SLC35F3: variants seen among roughly 807,000 people sequenced by gnomAD.
SLC35F3 encodes putative thiamine transporter SLC35F3.
A neutral mutation model predicts 49.9 loss-of-function variants in SLC35F3; 25 were observed. The ratio of observed to expected loss-of-function variants is 0.50; its 90% CI spans 0.37 to 0.70. SLC35F3 has a LOEUF of 0.70. Among genes scored for constraint, SLC35F3 ranks in the 30% least tolerant of loss-of-function variants. SLC35F3 has a pLI of 0.00. For synonymous variants in SLC35F3, 275 were observed against 265.4 expected, an observed-to-expected ratio of 1.04 and a Z score of -0.35; for missense variants, 525 against 639.8, an observed-to-expected ratio of 0.82 and a Z score of 1.94.
intron 2 of SLC35F3, among the ~76,000 whole-genome samples, chr1:234,012,737 G>A (rs954514882): frequency 2.6e-5 from 4 of 152,180 alleles, no homozygotes; most frequent in Admixed American, 2.0e-4. Flanking sequence ...ATTGTTCAAG[G>A]TACAGGTCAA....
At chr1:234,268,813 T>A (rs1446210379) in intron 3 of SLC35F3, 2 of 152,206 alleles carry the variant, frequency 1.3e-5, no homozygotes, top group Admixed American at 1.3e-4. Flanking sequence ...GACTTCTCCA[T>A]GGAGGACTCT....
At chr1:234,188,432 C>CCCGGTA in intron 2 of SLC35F3, among the ~76,000 whole-genome samples, 1 of 152,122 alleles carries the variant, frequency 6.6e-6, no homozygotes, top group Non-Finnish European at 1.5e-5. Flanking sequence ...GCCAGCTTTC[C>CCCGGTA]CCGACTTCCT....
chr1:233,928,254 G>A (rs1014365978), intron 2 of SLC35F3, among the ~76,000 whole-genome samples: 4 of 152,172 alleles, frequency 2.6e-5, no homozygotes, highest in African/African-American at 7.2e-5. Flanking sequence ...TCTGAGCACT[G>A]AGGTCACACT....
chr1:233,929,193 G>A (rs1476956656), intron 2 of SLC35F3, among the ~76,000 whole-genome samples: 1 of 152,174 alleles, frequency 6.6e-6, no homozygotes, highest in African/African-American at 2.4e-5. Flanking sequence ...AACAGAATTA[G>A]CCCTTAGGGC....
At chr1:234,273,351 G>A (rs370761590) in intron 3 of SLC35F3, among the ~76,000 whole-genome samples, 4 of 152,186 alleles carry the variant, frequency 2.6e-5, no homozygotes, top group Non-Finnish European at 4.4e-5. Context: ...GGCCCACACC[G>A]GTGTGAGTGG....
At chr1:234,165,404 A>C (rs1321328102) in intron 2 of SLC35F3, among the ~76,000 whole-genome samples, 1 of 152,176 alleles carries the variant, frequency 6.6e-6, no homozygotes, top group Non-Finnish European at 1.5e-5. Context: ...GCAAAAATCA[A>C]ATTTTTTGTA....
At chr1:234,065,429 G>A (rs879858625) in intron 2 of SLC35F3, among the ~76,000 whole-genome samples, 4 of 152,192 alleles carry the variant, frequency 2.6e-5, no homozygotes, top group Non-Finnish European at 5.9e-5. Flanking sequence ...TTACAGGCGT[G>A]AGCCACCGCG....
intron 2 of SLC35F3, among the ~76,000 whole-genome samples, chr1:234,060,874 A>C (rs1172864556): frequency 3.3e-5 from 5 of 152,088 alleles, no homozygotes; most frequent in Non-Finnish European, 7.3e-5. Context: ...CTTTGCTCCT[A>C]CTCATTTCAT....
intron 3 of SLC35F3, among the ~76,000 whole-genome samples, chr1:234,289,403 T>C (rs748898531): frequency 6.6e-6 from 1 of 152,156 alleles, no homozygotes; most frequent in African/African-American, 2.4e-5. Context: ...TAACTACATA[T>C]CCTGGGGCTG....
intron 2 of SLC35F3, among the ~76,000 whole-genome samples, chr1:233,938,614 A>G (rs943870186): frequency 2.0e-5 from 3 of 152,142 alleles, no homozygotes; most frequent in Non-Finnish European, 4.4e-5. Context: ...CAATGGATGG[A>G]CAGATGGATG....
At chr1:234,016,017 A>G (rs1411285001) in intron 2 of SLC35F3, among the ~76,000 whole-genome samples, 1 of 152,230 alleles carries the variant, frequency 6.6e-6, no homozygotes, top group Non-Finnish European at 1.5e-5. Context: ...CAAAAAAGAC[A>G]TACAAATGCC....
chr1:233,924,764 C>G (rs9661726), intron 2 of SLC35F3, among the ~76,000 whole-genome samples: 149,388 of 152,320 alleles, frequency 0.98, 73,318 homozygotes, highest in East Asian at 1. Flanking sequence ...TCTCTTATGG[C>G]CATTTAGTGC....
intron 2 of SLC35F3, among the ~76,000 whole-genome samples, chr1:233,968,935 G>A (rs563429281): frequency 9.2e-5 from 14 of 152,082 alleles, no homozygotes; most frequent in African/African-American, 3.4e-4. Flanking sequence ...TTCTGTTCCT[G>A]CATTAATTTG....
At chr1:234,040,920 G>C (rs1306534241) in intron 2 of SLC35F3, among the ~76,000 whole-genome samples, 2 of 152,228 alleles carry the variant, frequency 1.3e-5, no homozygotes, top group South Asian at 4.1e-4. Flanking sequence ...CTGCAGCTGC[G>C]AACAGATGAG....
intron 4 of SLC35F3, among the ~76,000 whole-genome samples, chr1:234,312,864 TG>T (rs1478757744): frequency 6.7e-6 from 1 of 149,496 alleles, no homozygotes; most frequent in East Asian, 1.9e-4. Context: ...TTTTTTTGTT[TG>T]TTTGTTTGTT....
At chr1:234,161,914 C>G (rs1034432291) in intron 2 of SLC35F3, among the ~76,000 whole-genome samples, 1 of 152,136 alleles carries the variant, frequency 6.6e-6, no homozygotes, top group African/African-American at 2.4e-5. Flanking sequence ...TGTGTACTTT[C>G]CTCCCCTCTC....
chr1:234,073,897 T>G (rs1298336877), intron 2 of SLC35F3, among the ~76,000 whole-genome samples: 2 of 152,216 alleles, frequency 1.3e-5, no homozygotes, highest in Admixed American at 6.5e-5. Context: ...ATTTACCATC[T>G]GGGCCATTTT....
At chr1:234,005,935 T>G (rs1217508407) in intron 2 of SLC35F3, among the ~76,000 whole-genome samples, 1 of 152,192 alleles carries the variant, frequency 6.6e-6, no homozygotes, top group Admixed American at 6.5e-5. Flanking sequence ...TTGGGCAAAT[T>G]TTTGAACCAT....
chr1:234,077,124 C>T (rs1487069549), intron 2 of SLC35F3, among the ~76,000 whole-genome samples: 1 of 151,434 alleles, frequency 6.6e-6, no homozygotes, highest in East Asian at 1.9e-4. Flanking sequence ...CCTGCCTCAG[C>T]CTCCCCAGTA....
Sources: gnomAD v4.1 joint callset for allele counts (sites outside exome capture counted in the v4.1 genomes callset) on GRCh38, gnomAD v4.1.1 for gene constraint, MANE v1.5 for transcripts, NCBI Gene and HGNC (gene_info 2026-07-23, HGNC 2026-07-21) for gene names.